UGT1A8: variants seen among roughly 807,000 people sequenced by gnomAD.
The protein encoded by UGT1A8 is UDP-glucuronosyltransferase 1A8.
In UGT1A8, 39 loss-of-function variants were observed where a neutral mutation model predicts 45.3. That is an observed-to-expected ratio of 0.86 (90% CI 0.67 to 1.12). The LOEUF is 1.12. UGT1A8 is among the 50% of genes most tolerant of loss of function. The pLI, the probability that UGT1A8 is intolerant of heterozygous loss-of-function variation, is 0.00. For missense variants in UGT1A8, 719 were observed against 664.9 expected (o/e 1.08, Z -0.90); for synonymous variants, 275 against 249.2 (o/e 1.10, Z -0.97).
chr2:233,665,594 G>A (rs1187552932), intron 1 of UGT1A8, among the ~76,000 whole-genome samples: 1 of 152,216 alleles, frequency 6.6e-6, no homozygotes, highest in Non-Finnish European at 1.5e-5. Flanking sequence ...AGGAGAAACA[G>A]TTTAGCATTG....
At chr2:233,619,237 A>G (rs2072955487) in intron 1 of UGT1A8, among the ~76,000 whole-genome samples, 1 of 152,180 alleles carries the variant, frequency 6.6e-6, no homozygotes, top group African/African-American at 2.4e-5. Flanking sequence ...AATAAATTGT[A>G]GATTCCTTTA....
chr2:233,700,940 A>G (rs972837760), intron 1 of UGT1A8, among the ~76,000 whole-genome samples: 3 of 151,922 alleles, frequency 2.0e-5, no homozygotes, highest in Non-Finnish European at 4.4e-5. Flanking sequence ...TGATTGTTCA[A>G]TTCCCACCTA....
intron 1 of UGT1A8, chr2:233,681,874 C>G: frequency 6.5e-7 from 1 of 1,543,070 alleles, no homozygotes; most frequent in Non-Finnish European, 8.7e-7. Flanking sequence ...ATCTGTACTT[C>G]TTCCACTTAC....
chr2:233,711,525 A>G (rs28898593), intron 1 of UGT1A8, among the ~76,000 whole-genome samples: 3,267 of 151,616 alleles, frequency 0.022, 100 homozygotes, highest in African/African-American at 0.073. Flanking sequence ...TGTCCTCACA[A>G]CTCCCCGGGA....
At chr2:233,750,158 G>A (rs1271989660) in intron 1 of UGT1A8, among the ~76,000 whole-genome samples, 2 of 151,878 alleles carry the variant, frequency 1.3e-5, no homozygotes, top group Non-Finnish European at 2.9e-5. Flanking sequence ...TTGTTGAATG[G>A]TTTTGACCAA....
intron 1 of UGT1A8, among the ~76,000 whole-genome samples, chr2:233,620,090 G>A (rs954522371): frequency 6.6e-6 from 1 of 152,126 alleles, no homozygotes; most frequent in African/African-American, 2.4e-5. Flanking sequence ...CTTCTTATAA[G>A]GTTCAGTAGA....
chr2:233,672,034 G>A, intron 1 of UGT1A8: 1 of 1,614,174 alleles, frequency 6.2e-7, no homozygotes, highest in Non-Finnish European at 8.5e-7. Flanking sequence ...AGTGCCCATG[G>A]ATGGGAGCCA....
intron 1 of UGT1A8, chr2:233,761,049 G>A (rs1344319848): frequency 1.2e-6 from 2 of 1,614,174 alleles, no homozygotes; most frequent in Non-Finnish European, 1.7e-6. Flanking sequence ...CATCTGTCTG[G>A]CTGTTTAGAA....
At chr2:233,730,080 A>G (rs1159659352) in intron 1 of UGT1A8, 6 of 1,604,940 alleles carry the variant, frequency 3.7e-6, no homozygotes, top group Non-Finnish European at 5.1e-6. Context: ...TTCCATATTT[A>G]CTTATCTTTC....
At chr2:233,641,792 A>G (rs2073459839) in intron 1 of UGT1A8, among the ~76,000 whole-genome samples, 1 of 152,108 alleles carries the variant, frequency 6.6e-6, no homozygotes, top group Admixed American at 6.6e-5. Flanking sequence ...CTGGGGTAAA[A>G]GGTTTTTTTT....
At chr2:233,735,868 CAG>C (rs201129034) in intron 1 of UGT1A8, among the ~76,000 whole-genome samples, 5,840 of 152,248 alleles carry the variant, frequency 0.038, 150 homozygotes, top group Non-Finnish European at 0.054. Flanking sequence ...AGGGTTTCTG[CAG>C]AGAGATCTGC....
chr2:233,667,609 G>C (rs1010087986), intron 1 of UGT1A8, among the ~76,000 whole-genome samples: 1 of 152,138 alleles, frequency 6.6e-6, no homozygotes, highest in African/African-American at 2.4e-5. Context: ...TACAGAATGG[G>C]AGAAAATTTT....
intron 1 of UGT1A8, among the ~76,000 whole-genome samples, chr2:233,661,995 G>C (rs571765797): frequency 2.0e-5 from 3 of 152,180 alleles, no homozygotes; most frequent in Admixed American, 6.5e-5. Flanking sequence ...CTCACACGGC[G>C]TACTGAGTGG....
intron 1 of UGT1A8, chr2:233,682,152 G>T: frequency 6.2e-7 from 1 of 1,614,212 alleles, no homozygotes; most frequent in South Asian, 1.1e-5. Flanking sequence ...TCACTGAATT[G>T]CACAGTGAAG....
At chr2:233,662,328 A>G (rs1236298631) in intron 1 of UGT1A8, among the ~76,000 whole-genome samples, 2 of 152,202 alleles carry the variant, frequency 1.3e-5, no homozygotes, top group South Asian at 2.1e-4. Context: ...ATTGTAGGCT[A>G]TGTGGCTTAT....
intron 1 of UGT1A8, among the ~76,000 whole-genome samples, chr2:233,710,022 G>A (rs190818817): frequency 8.5e-5 from 13 of 152,274 alleles, no homozygotes; most frequent in Admixed American, 1.3e-4. Context: ...AAACACACAG[G>A]TATACTGTTT....
At chr2:233,753,955 A>G (rs892608608) in intron 1 of UGT1A8, among the ~76,000 whole-genome samples, 11 of 152,214 alleles carry the variant, frequency 7.2e-5, no homozygotes, top group Non-Finnish European at 1.6e-4. Context: ...CCTCCAAAAT[A>G]TTAAGAGAAT....
chr2:233,754,938 G>A lies in UGT1A8; in HGVS notation c.856-12096G>A, dbSNP rs1338582901. ...CAGCGGGTTTCCCAAGAGGTCAAAG[G>A]AGAATGGGTCCCGGCCGCCAAAGAA... On this transcript the variant is annotated intron_variant, in intron 1 of 4. Coordinates refer to ENST00000373450, the MANE Select transcript of UGT1A8 (RefSeq NM_019076.5). 4 of 1,337,850 alleles carry A rather than the reference G, an allele frequency of 3.0e-6. No individual in the cohort carries two copies. The South Asian group carries it at 4.6e-5, about 15-fold the overall frequency. The allele number at this position is 1,337,850 out of a possible 1,614,324, so 82.9% of individuals were successfully genotyped here.
chr2:233,759,596 C>G (rs1697189496), intron 1 of UGT1A8, among the ~76,000 whole-genome samples: 1 of 145,706 alleles, frequency 6.9e-6, no homozygotes, highest in Non-Finnish European at 1.5e-5. Flanking sequence ...CCCCCCACCC[C>G]CGACCCGCCC....
Sources: allele counts gnomAD v4.1 joint callset (sites outside exome capture counted in the v4.1 genomes callset), GRCh38; gene constraint gnomAD v4.1.1; transcripts MANE v1.5; gene names NCBI Gene and HGNC (gene_info 2026-07-23, HGNC 2026-07-21).